The following HLCS variants were observed in gnomAD, a reference collection of about 807,000 sequenced individuals.
HLCS encodes holocarboxylase synthetase, also known as biotin--protein ligase.
A neutral mutation model predicts 75.0 loss-of-function variants in HLCS; 53 were observed. That is an observed-to-expected ratio of 0.71 (90% CI 0.57 to 0.89). The LOEUF (loss-of-function observed/expected upper bound fraction) is 0.89. Ranked by LOEUF, HLCS falls within the 40% of genes least tolerant of loss-of-function variation. The pLI is 0.00. For missense variants in HLCS, 966 were observed against 1,074.0 expected (o/e 0.90, Z 1.41); for synonymous variants, 431 against 428.6 (o/e 1.01, Z -0.07).
intron 5 of HLCS, among the ~76,000 whole-genome samples, chr21:36,914,252 A>G (rs2065837543): frequency 1.3e-5 from 2 of 152,112 alleles, no homozygotes; most frequent in Non-Finnish European, 2.9e-5. Context: ...GCCCTGCACA[A>G]CTCTGACTTA....
At chr21:36,850,253 TATGTTCTCTACAA>T (rs2062945159) in intron 6 of HLCS, among the ~76,000 whole-genome samples, 1 of 152,318 alleles carries the variant, frequency 6.6e-6, no homozygotes, top group East Asian at 1.9e-4. Context: ...TAAATAACTA[TATGTTCTCTACAA>T]ATGTTCTCTA....
At position 36,751,083 on chromosome 21, in the gene HLCS, CACTT is replaced by C. The variant is rs535525635; in HGVS notation, c.*3159_*3162del. 2.6e-3 allele frequency: 363 copies of C among 140,418 alleles called. 1 individual carries two copies. The highest frequency in any genetic ancestry group is 3.6e-3 in the Non-Finnish European group (227 of 63,418). 8.7% of individuals were successfully genotyped at this position (140,418 alleles called of 1,614,324 possible). A position where few individuals can be genotyped will look rare whatever the true frequency, so the allele number is the denominator to read the frequency against. ...CGTACATATTCCTTACTATGTAAAA[CACTT>C]TATTTATTTTGTAAAAATGTTTAAA... On this transcript the variant is annotated 3_prime_UTR_variant, in exon 11 of 11. Transcript: ENST00000674895.
At chr21:36,779,040 G>A (rs946812303) in intron 6 of HLCS, among the ~76,000 whole-genome samples, 1 of 151,858 alleles carries the variant, frequency 6.6e-6, no homozygotes, top group East Asian at 1.9e-4. Context: ...ATGTGTGCAT[G>A]TGTGTCTAGG....
At chr21:36,803,447 C>T (rs983174592) in intron 6 of HLCS, among the ~76,000 whole-genome samples, 3 of 152,224 alleles carry the variant, frequency 2.0e-5, no homozygotes, top group Non-Finnish European at 2.9e-5. Flanking sequence ...TCCAGAAACG[C>T]TCGCACAGGG....
At chr21:36,826,877 A>G (rs1274359241) in intron 6 of HLCS, among the ~76,000 whole-genome samples, 1 of 152,184 alleles carries the variant, frequency 6.6e-6, no homozygotes, top group Non-Finnish European at 1.5e-5. Context: ...TTCAAAAGAG[A>G]GAAAGAGGGG....
At chr21:36,935,582 G>A (rs1457795139) in intron 4 of HLCS, among the ~76,000 whole-genome samples, 3 of 152,088 alleles carry the variant, frequency 2.0e-5, no homozygotes, top group Non-Finnish European at 1.5e-5. Context: ...GAACTCTTCT[G>A]GACAAAATAT....
At chr21:36,910,546 G>GGAA (rs373039890) in intron 5 of HLCS, among the ~76,000 whole-genome samples, 1 of 144,128 alleles carries the variant, frequency 6.9e-6, no homozygotes, top group African/African-American at 2.6e-5. Flanking sequence ...ACTCTGTATG[G>GGAA]AAAAAAAAAA....
chr21:36,887,771 C>A (rs1472675827), intron 6 of HLCS, among the ~76,000 whole-genome samples: 1 of 152,236 alleles, frequency 6.6e-6, no homozygotes, highest in Non-Finnish European at 1.5e-5. Context: ...CAATCAACTT[C>A]TTTAAAACCC....
At chr21:36,872,083 C>T (rs1205198062) in intron 6 of HLCS, among the ~76,000 whole-genome samples, 4 of 152,160 alleles carry the variant, frequency 2.6e-5, no homozygotes, top group Non-Finnish European at 5.9e-5. Context: ...ATTAATTCAT[C>T]TTCTTGCTTT....
chr21:36,893,362 G>A (rs966341977), intron 6 of HLCS, among the ~76,000 whole-genome samples: 4 of 152,108 alleles, frequency 2.6e-5, no homozygotes, highest in African/African-American at 9.7e-5. Flanking sequence ...GTGAGCCACC[G>A]CGCCTGGCCA....
chr21:36,909,133 T>C (rs980124849), intron 5 of HLCS, among the ~76,000 whole-genome samples: 8 of 151,706 alleles, frequency 5.3e-5, no homozygotes, highest in Non-Finnish European at 1.2e-4. Flanking sequence ...GGAAGCGGAG[T>C]TTGCAGTGAG....
intron 8 of HLCS, among the ~76,000 whole-genome samples, chr21:36,763,893 T>C (rs111706364): frequency 9.1e-4 from 139 of 152,300 alleles, no homozygotes; most frequent in African/African-American, 3.2e-3. Context: ...CGGGTCCTAA[T>C]AGCTGGGGGA....
intron 6 of HLCS, among the ~76,000 whole-genome samples, chr21:36,833,758 A>G (rs1257742853): frequency 1.3e-5 from 2 of 152,228 alleles, no homozygotes; most frequent in East Asian, 3.9e-4. Flanking sequence ...AGAAGTTCAA[A>G]CATAAGCAAG....
chr21:36,976,502 TG>T (rs1280791079), intron 1 of HLCS, among the ~76,000 whole-genome samples: 1 of 152,088 alleles, frequency 6.6e-6, no homozygotes, highest in East Asian at 1.9e-4. Flanking sequence ...CAGAATCATT[TG>T]AACCCGGGAG....
At chr21:36,846,167 A>C (rs1260540642) in intron 6 of HLCS, among the ~76,000 whole-genome samples, 2 of 152,168 alleles carry the variant, frequency 1.3e-5, no homozygotes, top group Non-Finnish European at 2.9e-5. Context: ...TTAGTTTCCT[A>C]AAGTTGATGT....
At chr21:36,854,376 G>A (rs1326049194) in intron 6 of HLCS, among the ~76,000 whole-genome samples, 1 of 152,152 alleles carries the variant, frequency 6.6e-6, no homozygotes, top group African/African-American at 2.4e-5. Context: ...AGGCACATCT[G>A]GGGCACGGGG....
chr21:36,880,509 C>T (rs891391651), intron 6 of HLCS, among the ~76,000 whole-genome samples: 1 of 151,948 alleles, frequency 6.6e-6, no homozygotes, highest in Non-Finnish European at 1.5e-5. Context: ...AAAAAAAAAT[C>T]ATATTACATT....
At chr21:36,908,938 T>A (rs1344989632) in intron 5 of HLCS, among the ~76,000 whole-genome samples, 1 of 152,212 alleles carries the variant, frequency 6.6e-6, no homozygotes, top group Non-Finnish European at 1.5e-5. Flanking sequence ...CTCACGCCTG[T>A]AATCCTAGCA....
At chr21:36,841,200 T>C (rs545943322) in intron 6 of HLCS, among the ~76,000 whole-genome samples, 1 of 152,346 alleles carries the variant, frequency 6.6e-6, no homozygotes, top group East Asian at 1.9e-4. Context: ...TTCAACCGAA[T>C]TGGCTTATAT....
Sources: allele counts gnomAD v4.1 joint callset (sites outside exome capture counted in the v4.1 genomes callset), GRCh38; gene constraint gnomAD v4.1.1; transcripts MANE v1.5; gene names NCBI Gene and HGNC (gene_info 2026-07-23, HGNC 2026-07-21).